The following PDIA6 variants were observed in gnomAD, a reference collection of about 807,000 sequenced individuals.
PDIA6 encodes the protein protein disulfide isomerase family A member 6.
Under a neutral mutation model 58.4 loss-of-function variants are expected in PDIA6, and 29 were observed. The observed-to-expected ratio is 0.50, with a 90% CI of 0.37 to 0.68. The LOEUF (loss-of-function observed/expected upper bound fraction) is 0.68. Among genes scored for constraint, PDIA6 ranks in the 30% least tolerant of loss-of-function variants. The pLI, the probability that PDIA6 is intolerant of heterozygous loss-of-function variation, is 0.00. For missense variants in PDIA6, 480 were observed against 551.0 expected, an observed-to-expected ratio of 0.87 and a Z score of 1.29; for synonymous variants, 192 against 202.6, an observed-to-expected ratio of 0.95 and a Z score of 0.44.
intron 1 of PDIA6, among the ~76,000 whole-genome samples, chr2:10,806,650 A>AAAGAAAGACAGACAG (rs1553339954): frequency 1.6e-5 from 1 of 62,922 alleles, no homozygotes; most frequent in South Asian, 5.8e-4. Context: ...AAGAAAGAAA[A>AAAGAAAGACAGACAG]ACGTTACAGT....
intron 11 of PDIA6, among the ~76,000 whole-genome samples, chr2:10,786,892 G>C (rs1665788195): frequency 6.6e-6 from 1 of 152,152 alleles, no homozygotes; most frequent in South Asian, 2.1e-4. Context: ...CCAAAGCCAA[G>C]TGCCCAGAAA....
At chr2:10,824,339 C>T (rs555812410) in intron 1 of PDIA6, among the ~76,000 whole-genome samples, 7 of 152,214 alleles carry the variant, frequency 4.6e-5, no homozygotes, top group Non-Finnish European at 1.0e-4. Context: ...TGTCTGTGGC[C>T]GATGACACCT....
At chr2:10,791,759 T>C (rs968321104) in intron 6 of PDIA6, 36 bp downstream of exon 6, 9 of 1,592,528 alleles carry the variant, frequency 5.7e-6, no homozygotes, top group Non-Finnish European at 7.7e-6. Context: ...CTGAAAACAC[T>C]GTGAATGAAC....
chr2:10,785,726 A>G (rs1423600182), intron 11 of PDIA6, among the ~76,000 whole-genome samples: 1 of 152,196 alleles, frequency 6.6e-6, no homozygotes, highest in Non-Finnish European at 1.5e-5. Context: ...TAAGCAGTCC[A>G]CAAACTTCTT....
chr2:10,800,529 T>G (rs1194450538), intron 2 of PDIA6, among the ~76,000 whole-genome samples: 5 of 42,564 alleles, frequency 1.2e-4, no homozygotes, highest in South Asian at 2.3e-3. Flanking sequence ...ATACTTTAGG[T>G]TTTTTTTTGC....
chr2:10,793,845 C>G (rs1225040109), intron 4 of PDIA6, among the ~76,000 whole-genome samples: 1 of 152,090 alleles, frequency 6.6e-6, no homozygotes, highest in Non-Finnish European at 1.5e-5. Flanking sequence ...CTGTGAGATA[C>G]CAGATAGAAA....
intron 11 of PDIA6, among the ~76,000 whole-genome samples, chr2:10,785,715 T>C (rs1468310130): frequency 6.6e-6 from 1 of 152,190 alleles, no homozygotes; most frequent in Non-Finnish European, 1.5e-5. Flanking sequence ...AATCACAAAC[T>C]TAAGCAGTCC....
chr2:10,787,774 T>C (rs917956811), intron 10 of PDIA6, among the ~76,000 whole-genome samples: 4 of 151,716 alleles, frequency 2.6e-5, no homozygotes, highest in African/African-American at 7.3e-5. Flanking sequence ...AAAAGATAAA[T>C]AGGAAGGAGG....
chr2:10,836,128 G>A (rs566443780), upstream of PDIA6, among the ~76,000 whole-genome samples: 9 of 152,192 alleles, frequency 5.9e-5, no homozygotes, highest in South Asian at 2.1e-4. Flanking sequence ...CTAGGTGCCC[G>A]TGGGGGTGCC....
intron 9 of PDIA6, 31 bp downstream of exon 9, chr2:10,788,866 A>G: frequency 6.3e-7 from 1 of 1,580,656 alleles, no homozygotes; most frequent in Non-Finnish European, 8.7e-7. Flanking sequence ...AGCATAGAAC[A>G]GCTAAGGGAA....
chr2:10,809,106 G>A (rs991286904), intron 1 of PDIA6, among the ~76,000 whole-genome samples: 15 of 152,132 alleles, frequency 9.9e-5, no homozygotes, highest in Non-Finnish European at 2.1e-4. Context: ...ACCGTGCCCG[G>A]CCTCAATATT....
In PDIA6 at chr2:10,788,975, T is replaced by C. The variant is rs180783566; in HGVS notation, c.847A>G (p.Asn283Asp). 8.1e-6 allele frequency: 13 copies of C among 1,613,590 alleles called. No individual in the cohort carries two copies. In the East Asian group the frequency reaches 2.7e-4, roughly 33 times the overall value. Residue 283 changes from asparagine to aspartate, a missense_variant, in exon 9 of 13, where the codon AAC becomes GAC. Physicochemically the swap from Asn to Asp is conservative, Grantham distance 23. Transcript: ENST00000272227. ...APPPELLEII[N>D]EDIAKRTCEE... is the part of the protein sequence containing the mutation. ...CACGTCCTCTTGGCAATGTCCTCGT[T>C]GATAATCTGTGGGACCCAAAAGACA...
upstream of PDIA6, among the ~76,000 whole-genome samples, chr2:10,816,895 T>A (rs559896343): frequency 2.0e-5 from 3 of 152,188 alleles, no homozygotes; most frequent in Non-Finnish European, 4.4e-5. Context: ...ACACTGGGCA[T>A]GTGCTTGGCA....
chr2:10,828,674 C>T (rs1392277745), intron 1 of PDIA6, among the ~76,000 whole-genome samples: 2 of 152,240 alleles, frequency 1.3e-5, no homozygotes, highest in Non-Finnish European at 2.9e-5. Context: ...CCCCTACCAG[C>T]CCCCTTTGGA....
chr2:10,784,293 C>T lies in PDIA6; in HGVS notation c.1288G>A (p.Val430Met). 13 of 1,613,582 alleles carry T rather than the reference C, an allele frequency of 8.1e-6. No individual in the cohort carries two copies. The highest frequency in any genetic ancestry group is 1.1e-5 in the Non-Finnish European group (13 of 1,179,908). ...TCTTTCCCTAAGTCATCAAGCTCCA[C>T]ATCACTGAGGTCAATGTCATCCTCC... ...PVEDDIDLSD[V>M]ELDDLGKDEL Residue 430 changes from valine to methionine, a missense_variant, in exon 13 of 13, where the codon GTG becomes ATG. Coordinates refer to ENST00000272227, the MANE Select transcript of PDIA6 (RefSeq NM_005742.4).
chr2:10,827,838 T>TAAAAAA (rs754367171), intron 1 of PDIA6, among the ~76,000 whole-genome samples: 3 of 113,076 alleles, frequency 2.7e-5, no homozygotes, highest in African/African-American at 5.6e-5. Context: ...AAAAAAAAAT[T>TAAAAAA]TTTTTTTTCT....
chr2:10,806,981 C>T (rs1267979716), intron 1 of PDIA6, among the ~76,000 whole-genome samples: 1 of 152,172 alleles, frequency 6.6e-6, no homozygotes, highest in African/African-American at 2.4e-5. Context: ...ATGAAGAAAT[C>T]GTCTGATACA....
intron 1 of PDIA6, among the ~76,000 whole-genome samples, chr2:10,825,514 C>T (rs1023081339): frequency 4.6e-5 from 7 of 152,038 alleles, no homozygotes; most frequent in African/African-American, 1.5e-4. Context: ...TTTTGTGCTT[C>T]AAAGGGCACC....
chr2:10,820,217 C>T (rs1300625997), intron 1 of PDIA6, among the ~76,000 whole-genome samples: 1 of 151,976 alleles, frequency 6.6e-6, no homozygotes, highest in Non-Finnish European at 1.5e-5. Flanking sequence ...AGAAGGGGGT[C>T]CCGGAAAAAT....
Sources: gnomAD v4.1 joint callset for allele counts (sites outside exome capture counted in the v4.1 genomes callset) on GRCh38, gnomAD v4.1.1 for gene constraint, MANE v1.5 for transcripts, NCBI Gene and HGNC (gene_info 2026-07-23, HGNC 2026-07-21) for gene names.